CRY1: variants seen among roughly 807,000 people sequenced by gnomAD.
The protein encoded by CRY1 is cryptochrome-1.
Under a neutral mutation model 76.0 loss-of-function variants are expected in CRY1, and 45 were observed. The ratio of observed to expected loss-of-function variants is 0.59; its 90% CI spans 0.47 to 0.76. CRY1 has a LOEUF of 0.76. CRY1 is among the 30% of genes least tolerant of loss of function. CRY1 has a pLI of 0.00. For synonymous variants in CRY1, 248 were observed against 244.0 expected (o/e 1.02, Z -0.15); for missense variants, 587 against 716.4 (o/e 0.82, Z 2.06).
At chr12:107,069,604 A>ATATAAAG (rs1412995281) in intron 1 of CRY1, among the ~76,000 whole-genome samples, 3 of 40,320 alleles carry the variant, frequency 7.4e-5, no homozygotes, top group Non-Finnish European at 2.3e-4. Context: ...TATATAAAGT[A>ATATAAAG]TATATATAAA....
At chr12:107,030,816 T>C (rs1484517975) in intron 1 of CRY1, among the ~76,000 whole-genome samples, 1 of 151,936 alleles carries the variant, frequency 6.6e-6, no homozygotes, top group Non-Finnish European at 1.5e-5. Flanking sequence ...GAAGAAAAGA[T>C]TTGAGTAGAG....
At chr12:107,074,168 T>C (rs888210369) in intron 1 of CRY1, among the ~76,000 whole-genome samples, 5 of 152,228 alleles carry the variant, frequency 3.3e-5, no homozygotes, top group Non-Finnish European at 7.4e-5. Flanking sequence ...ATTATGCCCC[T>C]AATTGCAAAA....
Position 106,992,801 on chromosome 12 carries a change from G to A in CRY1, c.1747C>T (p.Gln583Ter), listed in dbSNP as rs777283670. Residue 583 changes from glutamine to a stop codon, truncating the protein, a stop_gained, in exon 12 of 13, where the codon CAG becomes TAG. Transcript: ENST00000008527. LOFTEE classifies it high-confidence loss of function. ...AAAATATTTACCTAATTAGTGCTCT[G>A]TCTCTGGACTTTAGGACCAATACTC... Reference protein sequence around the residue: ...TQSIGPKVQRQSTN With the variant: ...TQSIGPKVQR The A allele has an allele frequency of 1.2e-6, 2 of 1,613,624 alleles. No homozygotes were observed. Among genetic ancestry groups the A allele is most frequent in the South Asian group, 2.2e-5 (2 of 91,062 alleles).
intron 1 of CRY1, among the ~76,000 whole-genome samples, chr12:107,069,697 GTATA>G (rs993476615): frequency 2.8e-5 from 4 of 141,420 alleles, no homozygotes; most frequent in South Asian, 2.2e-4. Context: ...TATATAAAGT[GTATA>G]TATAGTGTAT....
intron 1 of CRY1, among the ~76,000 whole-genome samples, chr12:107,051,181 G>A (rs1163102555): frequency 6.6e-6 from 1 of 152,114 alleles, no homozygotes; most frequent in South Asian, 2.1e-4. Context: ...TAGCTGTTAT[G>A]TAATTATATG....
chr12:107,003,755 A>G (rs1952338383), intron 3 of CRY1, among the ~76,000 whole-genome samples: 2 of 152,144 alleles, frequency 1.3e-5, no homozygotes, highest in South Asian at 4.1e-4. Context: ...TTACATTTTA[A>G]TATGATAGAT....
At chr12:107,079,257 G>A (rs1018547584) in intron 1 of CRY1, among the ~76,000 whole-genome samples, 18 of 152,136 alleles carry the variant, frequency 1.2e-4, no homozygotes, top group Middle Eastern at 3.2e-3. Context: ...AAGAGCCAAT[G>A]AAGTGCCATA....
At chr12:107,078,671 C>T (rs1014837732) in intron 1 of CRY1, among the ~76,000 whole-genome samples, 1 of 152,092 alleles carries the variant, frequency 6.6e-6, no homozygotes, top group Non-Finnish European at 1.5e-5. Flanking sequence ...CTATTTTCTC[C>T]ATTTCTCATG....
intron 12 of CRY1, chr12:106,992,493 T>G (rs1423777837): frequency 4.0e-6 from 1 of 250,212 alleles, no homozygotes; most frequent in African/African-American, 2.2e-5. Flanking sequence ...AGTTACATAG[T>G]AAGGAAATAA....
chr12:107,029,490 G>GA (rs1952652946), intron 1 of CRY1, among the ~76,000 whole-genome samples: 1 of 151,962 alleles, frequency 6.6e-6, no homozygotes, highest in Non-Finnish European at 1.5e-5. Context: ...ACTACTTGGG[G>GA]TGGGCTGAGG....
Position 106,997,625 on chromosome 12 carries a change from T to C in CRY1, c.1355A>G (p.Glu452Gly). Residue 452 changes from glutamate to glycine, a missense_variant, in exon 9 of 13, where the codon GAA becomes GGA. Glu to Gly is a moderately conservative substitution (Grantham distance 98, BLOSUM62 -2). Transcript: ENST00000008527. Reference sequence around the variant, plus strand: ...ACATTTGGCTACCTTTTGGATACCTTCTGGTGCATTCCAGGGATCATAGAT... The same window carrying C: ...ACATTTGGCTACCTTTTGGATACCTCCTGGTGCATTCCAGGGATCATAGAT... ...KYIYDPWNAP[E>G]GIQKVAKCLI... 4.3e-6 allele frequency: 7 copies of C among 1,614,174 alleles called. No homozygotes were observed. The highest frequency in any genetic ancestry group is 5.9e-6 in the Non-Finnish European group (7 of 1,180,002).
chr12:107,026,876 T>C (rs1374460959), intron 1 of CRY1, among the ~76,000 whole-genome samples: 1 of 151,700 alleles, frequency 6.6e-6, no homozygotes, highest in East Asian at 1.9e-4. Flanking sequence ...TACACCTGTA[T>C]ACAGAATTAC....
In CRY1 at chr12:107,082,844, C is replaced by A. The variant is rs542942805; in HGVS notation, c.158+9960G>T. Among the ~76,000 whole-genome samples the A allele has an allele frequency of 9.9e-5, 15 of 152,016 alleles. No homozygotes were observed. The South Asian group carries it at 3.1e-3, about 32-fold the overall frequency. On this transcript the variant is annotated intron_variant, in intron 1 of 12. Coordinates refer to ENST00000008527, the MANE Select transcript of CRY1 (RefSeq NM_004075.5). ...GCAGAAGACAAGAAATAACTAAGAT[C>A]GGAGCAAAACTGAAGGAGACAGAGA...
In CRY1 at chr12:107,093,017, C is replaced by T. The variant is rs1232599534; in HGVS notation, c.-56G>A. On this transcript the variant is annotated 5_prime_UTR_variant, in exon 1 of 13. An upstream start codon of the reference 5' UTR is lost. Transcript: ENST00000008527. ...AAATTCAAGGAAGGAGGCTCCGGCT[C>T]ATAGCCGACACCTTCGCTTCCAAGA... 12 of 1,456,258 alleles carry T rather than the reference C, an allele frequency of 8.2e-6. No individual in the cohort carries two copies. The highest frequency in any genetic ancestry group is 1.1e-5 in the Non-Finnish European group (12 of 1,108,886). The allele number at this position is 1,456,258 out of a possible 1,614,324, so 90.2% of individuals were successfully genotyped here.
chr12:107,025,759 T>C (rs1262263007), intron 1 of CRY1, among the ~76,000 whole-genome samples: 5 of 152,064 alleles, frequency 3.3e-5, no homozygotes, highest in Non-Finnish European at 2.9e-5. Context: ...CACCTTCCCA[T>C]ACAAAGGTTT....
At chr12:107,079,942 G>A (rs1367621538) in intron 1 of CRY1, among the ~76,000 whole-genome samples, 2 of 152,108 alleles carry the variant, frequency 1.3e-5, no homozygotes, top group African/African-American at 2.4e-5. Context: ...TGTAGCGAAT[G>A]AATTAGAGAA....
chr12:107,079,954 G>A (rs1342298338), intron 1 of CRY1, among the ~76,000 whole-genome samples: 1 of 152,108 alleles, frequency 6.6e-6, no homozygotes, highest in South Asian at 2.1e-4. Flanking sequence ...ATTAGAGAAG[G>A]GCAAGGGGGA....
At chr12:107,035,857 T>A (rs577335463) in intron 1 of CRY1, among the ~76,000 whole-genome samples, 1 of 152,344 alleles carries the variant, frequency 6.6e-6, no homozygotes, top group South Asian at 2.1e-4. Flanking sequence ...AGTCTTCCAA[T>A]CTCATTTAAT....
chr12:107,001,229 A>T, intron 5 of CRY1, 51 bp downstream of exon 5: 1 of 1,344,126 alleles, frequency 7.4e-7, no homozygotes, highest in Non-Finnish European at 1.0e-6. Flanking sequence ...ATTATTTTTT[A>T]AATGGCAGTT....
Sources: allele counts gnomAD v4.1 joint callset (sites outside exome capture counted in the v4.1 genomes callset), GRCh38; gene constraint gnomAD v4.1.1; transcripts MANE v1.5; gene names NCBI Gene and HGNC (gene_info 2026-07-23, HGNC 2026-07-21).